The following CRNKL1 variants were observed in gnomAD, a reference collection of about 807,000 sequenced individuals.
The protein encoded by CRNKL1 is crooked neck-like protein 1.
A neutral mutation model predicts 103.7 loss-of-function variants in CRNKL1; 35 were observed. The observed-to-expected ratio is 0.34, with a 90% confidence interval of 0.26 to 0.45. The LOEUF (loss-of-function observed/expected upper bound fraction) is 0.45. Ranked by LOEUF, CRNKL1 falls within the 20% of genes least tolerant of loss-of-function variation. The pLI, the probability that CRNKL1 is intolerant of heterozygous loss-of-function variation, is 1.00. For synonymous variants in CRNKL1, 267 were observed against 282.6 expected (o/e 0.94, Z 0.55); for missense variants, 645 against 836.0 (o/e 0.77, Z 2.82).
At chr20:20,039,891 T>C in intron 10 of CRNKL1, 43 bp from the exon 11 acceptor site, 1 of 1,602,034 alleles carries the variant, frequency 6.2e-7, no homozygotes, top group Non-Finnish European at 8.5e-7. Flanking sequence ...CTGTAGTGGA[T>C]TTAATCTGTG....
At position 20,043,499 on chromosome 20, in the gene CRNKL1, T is replaced by A; in HGVS notation, c.965A>T (p.Glu322Val). 3 of 1,613,344 alleles carry A rather than the reference T, an allele frequency of 1.9e-6. No individual in the cohort carries two copies. The highest frequency in any genetic ancestry group is 2.5e-6 in the Non-Finnish European group (3 of 1,179,324). Reference sequence around the variant, plus strand: ...ATCCACACCAGTGCTCACCTTCACTTCTTCTTCGTACTGGAATCTCCGTTT... The same window carrying A: ...ATCCACACCAGTGCTCACCTTCACTACTTCTTCGTACTGGAATCTCCGTTT... ...VSKRRFQYEE[E>V]VKANPHNYDA... The change falls in exon 7 of 14, where the codon GAA becomes GTA. Residue 322 changes from glutamate to valine, a missense_variant. Coordinates refer to ENST00000536226, the MANE Select transcript of CRNKL1 (RefSeq NM_001278628.2).
chr20:20,038,018 C>A (rs192044084), intron 12 of CRNKL1, among the ~76,000 whole-genome samples: 1 of 150,870 alleles, frequency 6.6e-6, no homozygotes, highest in Non-Finnish European at 1.5e-5. Flanking sequence ...ACCTGGGAGG[C>A]GGAGGTTGCA....
At chr20:20,041,429 A>C in intron 9 of CRNKL1, 137 bp downstream of exon 9, 1 of 688,390 alleles carries the variant, frequency 1.5e-6, no homozygotes, top group Non-Finnish European at 2.5e-6. Flanking sequence ...CAAGGAGCAT[A>C]TCTCAGTCTT....
chr20:20,040,550 C>G, intron 10 of CRNKL1, 136 bp downstream of exon 10: 1 of 683,290 alleles, frequency 1.5e-6, no homozygotes, highest in Non-Finnish European at 2.5e-6. Flanking sequence ...CGCATGTTTT[C>G]TAACATGTCC....
chr20:20,037,252 C>A, intron 13 of CRNKL1, 71 bp downstream of exon 13: 7 of 1,536,956 alleles, frequency 4.6e-6, no homozygotes, highest in Non-Finnish European at 6.1e-6. Context: ...ACTTAAAAGT[C>A]CACATTTCGA....
Position 20,052,423 on chromosome 20 carries a change from A to C in CRNKL1, c.-81T>G. 1 of 1,614,148 alleles carries C rather than the reference A, an allele frequency of 6.2e-7. No individual in the cohort carries two copies. Among genetic ancestry groups the C allele is most frequent in the Non-Finnish European group, 8.5e-7 (1 of 1,180,030 alleles). ...CTCTGAGAGCTCACCGAAACCACAA[A>C]GCTTTCAGAAAACAAACAGGATCTC... is the stretch of plus-strand genomic sequence containing the variant. On this transcript the variant is annotated 5_prime_UTR_variant, in exon 1 of 14. Transcript: ENST00000536226.
At chr20:20,036,385 GA>G in intron 13 of CRNKL1, 23 bp from the exon 14 acceptor site, 1 of 1,612,214 alleles carries the variant, frequency 6.2e-7, no homozygotes, top group Non-Finnish European at 8.5e-7. Context: ...AAAATGAAAA[GA>G]TAAGCAAACG....
Position 20,035,333 on chromosome 20 carries a change from C to G in CRNKL1, c.*862G>C, listed in dbSNP as rs1382965954. Reference sequence around the variant, plus strand: ...CTATAAAGAGATTTGATTAACGAGACTTAAGTCTTAGTCCAGAATTTCCCA... The same window carrying G: ...CTATAAAGAGATTTGATTAACGAGAGTTAAGTCTTAGTCCAGAATTTCCCA... On this transcript the variant is annotated 3_prime_UTR_variant, in exon 14 of 14. Coordinates refer to ENST00000536226, the MANE Select transcript of CRNKL1 (RefSeq NM_001278628.2). The G allele has an allele frequency of 6.6e-6, 1 of 152,146 alleles. No individual in the cohort carries two copies. The highest frequency in any genetic ancestry group is 1.9e-4 in the East Asian group (1 of 5,194). 9.4% of individuals were successfully genotyped at this position (152,146 alleles called of 1,614,324 possible). A position where few individuals can be genotyped will look rare whatever the true frequency, so the allele number is the denominator to read the frequency against.
chr20:20,040,260 C>A (rs1246039331), intron 10 of CRNKL1, among the ~76,000 whole-genome samples: 4 of 147,600 alleles, frequency 2.7e-5, no homozygotes, highest in Non-Finnish European at 5.9e-5. Flanking sequence ...TGCAGTGAGC[C>A]AAGATCGCGC....
intron 12 of CRNKL1, 139 bp from the exon 13 acceptor site, chr20:20,037,710 G>T: frequency 1.4e-6 from 1 of 729,276 alleles, no homozygotes; most frequent in Non-Finnish European, 2.2e-6. Flanking sequence ...TGAAAACAAT[G>T]AATATATGCT....
At chr20:20,040,238 G>A (rs951616902) in intron 10 of CRNKL1, among the ~76,000 whole-genome samples, 1 of 151,852 alleles carries the variant, frequency 6.6e-6, no homozygotes, top group African/African-American at 2.4e-5. Flanking sequence ...TTTCCGCCCA[G>A]GAGGCAGAGG....
In CRNKL1 at chr20:20,047,919, C is replaced by T. The variant is rs752077334; in HGVS notation, c.468G>A (p.Thr156=). The change falls in exon 5 of 14, where the codon ACG becomes ACA. Residue 156 remains threonine (T), a synonymous_variant. Coordinates refer to ENST00000536226, the MANE Select transcript of CRNKL1 (RefSeq NM_001278628.2). ...PRVNQFWYKY[T]YMEEMLGNVA... ...CGTTTCCCAACATTTCCTCCATGTA[C>T]GTGTACTTGTACCTGTAACAAAATC... The T allele has an allele frequency of 1.1e-5, 18 of 1,613,962 alleles. No individual in the cohort carries two copies. The highest frequency in any genetic ancestry group is 4.5e-5 in the East Asian group (2 of 44,892).
At position 20,037,385 on chromosome 20, in the gene CRNKL1, T is replaced by C; in HGVS notation, c.1834A>G (p.Arg612Gly). 1 of 1,614,170 alleles carries C rather than the reference T, an allele frequency of 6.2e-7. No individual in the cohort carries two copies. The highest frequency in any genetic ancestry group is 1.1e-5 in the South Asian group (1 of 91,084). ...EEFGTASDKE[R>G]VDKLMPEKVK... Reference sequence around the variant, plus strand: ...TTCTCTGGCATGAGTTTGTCTACTCTCTCCTTATCTGAAGCTGTTCCAAAT... The same window carrying C: ...TTCTCTGGCATGAGTTTGTCTACTCCCTCCTTATCTGAAGCTGTTCCAAAT... Residue 612 changes from arginine to glycine, a missense_variant, in exon 13 of 14, where the codon AGA becomes GGA. This residue lies in a region of CRNKL1 where 582 missense variants were observed against 707.7 expected (regional missense o/e 0.82). Transcript: ENST00000536226.
In CRNKL1 at chr20:20,035,531, A is replaced by C. The variant is rs2043406021; in HGVS notation, c.*664T>G. On this transcript the variant is annotated 3_prime_UTR_variant, in exon 14 of 14. Coordinates refer to ENST00000536226, the MANE Select transcript of CRNKL1 (RefSeq NM_001278628.2). ...TTTTCTGAACCTTGTTCAGAAATATAATCACTGCAAATTATTTTCCAAGTG... is the reference window on the plus strand; with the variant it reads ...TTTTCTGAACCTTGTTCAGAAATATCATCACTGCAAATTATTTTCCAAGTG... 1 of 152,226 alleles carries C rather than the reference A, an allele frequency of 6.6e-6. No homozygotes were observed. The highest frequency in any genetic ancestry group is 1.5e-5 in the Non-Finnish European group (1 of 68,024). The allele number at this position is 152,226 out of a possible 1,614,324, so 9.4% of individuals were successfully genotyped here.
chr20:20,054,587 C>T (rs1025317044), upstream of CRNKL1, among the ~76,000 whole-genome samples: 11 of 152,208 alleles, frequency 7.2e-5, no homozygotes, highest in Non-Finnish European at 1.5e-4. Context: ...TCATTTGTGC[C>T]GATATTGTCT....
chr20:20,040,216 A>G (rs80234890), intron 10 of CRNKL1, among the ~76,000 whole-genome samples: 2,525 of 152,058 alleles, frequency 0.017, 68 homozygotes, highest in African/African-American at 0.057. Flanking sequence ...AGAGGCCAAC[A>G]TGGGAGGATC....
At chr20:20,037,698 G>T in intron 12 of CRNKL1, 127 bp from the exon 13 acceptor site, 1 of 824,778 alleles carries the variant, frequency 1.2e-6, no homozygotes, top group Non-Finnish European at 1.9e-6. Context: ...ATGTTTCACA[G>T]ATGAAAACAA....
In CRNKL1 at chr20:20,050,608, G is replaced by A. The variant is rs754712149; in HGVS notation, c.66C>T (p.Ala22=). ...IPKVAKVKNK[A]PAEVQITAEQ... The stretch of plus-strand genomic sequence containing the variant: ...CAGCAGTTATCTGTACCTCAGCCGG[G>A]GCTTTGTTTTTCACCTTTTAAGAAA... The change falls in exon 2 of 14, where the codon GCC becomes GCT. Residue 22 remains alanine, a synonymous_variant. Coordinates refer to ENST00000536226, the MANE Select transcript of CRNKL1 (RefSeq NM_001278628.2). The A allele has an allele frequency of 3.1e-6, 5 of 1,599,284 alleles. No individual in the cohort carries two copies. Among genetic ancestry groups the A allele is most frequent in the Non-Finnish European group, 3.4e-6 (4 of 1,174,696 alleles).
rs916733068 is a variant in CRNKL1, at chr20:20,039,497, AAGTT to A, written c.1545+108_1545+111del. On this transcript the variant is annotated intron_variant, in intron 11 of 13. Coordinates refer to ENST00000536226, the MANE Select transcript of CRNKL1 (RefSeq NM_001278628.2). ...AAGCCTAATCTGAGTAGAAGAGACT[AAGTT>A]AGTTAGATCATCGTTATACTCTAAA... The A allele has an allele frequency of 3.8e-5, 49 of 1,303,078 alleles. No individual in the cohort carries two copies. The African/African-American group carries it at 4.6e-4, about 12-fold the overall frequency. 80.7% of individuals were successfully genotyped at this position (1,303,078 alleles called of 1,614,324 possible).
Sources: gnomAD v4.1 joint callset for allele counts (sites outside exome capture counted in the v4.1 genomes callset) on GRCh38, gnomAD v4.1.1 for gene constraint, gnomAD v4.1.1 regional missense constraint, MANE v1.5 for transcripts, NCBI Gene and HGNC (gene_info 2026-07-23, HGNC 2026-07-21) for gene names.